GVQW3: variants seen among roughly 807,000 people sequenced by gnomAD.
GVQW3 encodes GVQW motif containing 3.
Under a neutral mutation model 12.5 loss-of-function variants are expected in GVQW3, and 7 were observed. That is an observed-to-expected ratio of 0.56 (90% confidence interval 0.32 to 1.05). The LOEUF is 1.05. Among genes scored for constraint, GVQW3 ranks in the 50% least tolerant of loss-of-function variants. GVQW3 has a pLI of 0.04. For missense variants in GVQW3, 188 were observed against 190.8 expected (o/e 0.99, Z 0.09); for synonymous variants, 71 against 67.2 (o/e 1.06, Z -0.28).
chr11:76,389,901 A>G (rs1946875496), intron 1 of GVQW3: 1 of 152,236 alleles, frequency 6.6e-6, no homozygotes, highest in Non-Finnish European at 1.5e-5. Flanking sequence ...TACTGCACAC[A>G]TATCGTTAGT....
At chr11:76,390,479 G>C (rs916817055) in intron 1 of GVQW3, among the ~76,000 whole-genome samples, 2 of 152,210 alleles carry the variant, frequency 1.3e-5, no homozygotes, top group Admixed American at 6.5e-5. Flanking sequence ...CAATAAACAA[G>C]ACCCCAAGAA....
rs913291321 is a variant in GVQW3, at chr11:76,407,194, G to A, written c.*3436G>A. On this transcript the variant is annotated 3_prime_UTR_variant, in exon 2 of 2. Transcript: ENST00000529331. ...GTAAAGATACAAATGGGCTTATAAT[G>A]TTGGTCAGGTGAGACATGTTGCATT... 6.6e-6 allele frequency: 1 copy of A among 152,104 alleles called. No individual in the cohort carries two copies. The highest frequency in any genetic ancestry group is 2.4e-5 in the African/African-American group (1 of 41,418). The allele number at this position is 152,104 out of a possible 1,614,324, so 9.4% of individuals were successfully genotyped here. A position where few individuals can be genotyped will look rare whatever the true frequency, so the allele number is the denominator to read the frequency against.
At chr11:76,396,837 TC>T (rs958316520) in intron 1 of GVQW3, among the ~76,000 whole-genome samples, 3 of 152,134 alleles carry the variant, frequency 2.0e-5, no homozygotes, top group Admixed American at 2.0e-4. Flanking sequence ...TTTTCTTTAA[TC>T]CCCTGGCAAC....
chr11:76,390,292 A>G (rs1157118696), intron 1 of GVQW3, among the ~76,000 whole-genome samples: 1 of 152,182 alleles, frequency 6.6e-6, no homozygotes, highest in African/African-American at 2.4e-5. Flanking sequence ...CTTGGGTTTC[A>G]GTTCTGGCTT....
intron 1 of GVQW3, chr11:76,392,681 T>A (rs1213827717): frequency 1.3e-5 from 2 of 152,240 alleles, no homozygotes; most frequent in African/African-American, 2.4e-5. Flanking sequence ...GGAACATATT[T>A]ATAGCATAGA....
At chr11:76,412,501 G>A (rs183274898), downstream of GVQW3, 1 of 152,286 alleles carries the variant, frequency 6.6e-6, no homozygotes, top group Non-Finnish European at 1.5e-5. Flanking sequence ...ATCAAGTAAG[G>A]TATTGGGAGT....
At chr11:76,395,945 T>TA (rs1271060390) in intron 1 of GVQW3, among the ~76,000 whole-genome samples, 2 of 152,170 alleles carry the variant, frequency 1.3e-5, no homozygotes, top group African/African-American at 2.4e-5. Context: ...CCTTATGAAA[T>TA]ATGTCTTGCC....
At chr11:76,386,076 G>A (rs999844724) in intron 1 of GVQW3, among the ~76,000 whole-genome samples, 26 of 152,306 alleles carry the variant, frequency 1.7e-4, no homozygotes, top group South Asian at 8.3e-4. Context: ...CAATGACTCC[G>A]TTTGGCTTTC....
chr11:76,412,487 TA>T (rs1374200243), downstream of GVQW3: 1 of 151,338 alleles, frequency 6.6e-6, no homozygotes, highest in Non-Finnish European at 1.5e-5. Context: ...AAGGACAGAA[TA>T]AAATCAAGTA....
chr11:76,396,375 C>T (rs1455219257), intron 1 of GVQW3, among the ~76,000 whole-genome samples: 1 of 152,052 alleles, frequency 6.6e-6, no homozygotes, highest in East Asian at 1.9e-4. Flanking sequence ...AGTACAGTGG[C>T]ACAATCTCAG....
At chr11:76,397,086 C>A (rs1424756915) in intron 1 of GVQW3, among the ~76,000 whole-genome samples, 1 of 149,334 alleles carries the variant, frequency 6.7e-6, no homozygotes, top group Non-Finnish European at 1.5e-5. Context: ...TCACCACAAC[C>A]TCCACCTCCA....
At chr11:76,402,291 G>A (rs1378204889) in intron 1 of GVQW3, among the ~76,000 whole-genome samples, 2 of 152,134 alleles carry the variant, frequency 1.3e-5, no homozygotes. Context: ...GGTGGCTAAC[G>A]CCTGTAATCC....
chr11:76,391,397 C>T (rs1327143761), intron 1 of GVQW3, among the ~76,000 whole-genome samples: 1 of 152,128 alleles, frequency 6.6e-6, no homozygotes, highest in Non-Finnish European at 1.5e-5. Flanking sequence ...AGATGTGTGC[C>T]CTATGTCCTG....
chr11:76,386,866 C>G (rs1382495654), intron 1 of GVQW3, among the ~76,000 whole-genome samples: 1 of 152,086 alleles, frequency 6.6e-6, no homozygotes, highest in Non-Finnish European at 1.5e-5. Context: ...GTATTAATAT[C>G]CGGAAACAAA....
At chr11:76,396,801 C>T (rs531966061) in intron 1 of GVQW3, among the ~76,000 whole-genome samples, 2 of 152,140 alleles carry the variant, frequency 1.3e-5, no homozygotes, top group Non-Finnish European at 1.5e-5. Context: ...CACAAGGAAA[C>T]CCCCTACCCA....
At chr11:76,384,495 GTATTTTTA>G (rs1054474974) in intron 1 of GVQW3, among the ~76,000 whole-genome samples, 1 of 152,110 alleles carries the variant, frequency 6.6e-6, no homozygotes, top group Non-Finnish European at 1.5e-5. Context: ...GCTATTTTTT[GTATTTTTA>G]GTAGAGGCGG....
chr11:76,398,879 G>A (rs182218182), intron 1 of GVQW3, among the ~76,000 whole-genome samples: 80 of 152,264 alleles, frequency 5.3e-4, no homozygotes, highest in Middle Eastern at 6.8e-3. Context: ...TTTGGCTCTC[G>A]CTTACTAATT....
Position 76,406,911 on chromosome 11 carries a change from G to C in GVQW3, c.*3153G>C, listed in dbSNP as rs1947045112. The C allele has an allele frequency of 6.6e-6, 1 of 152,236 alleles. No individual in the cohort carries two copies. The highest frequency in any genetic ancestry group is 1.9e-4 in the East Asian group (1 of 5,188). 9.4% of individuals were successfully genotyped at this position (152,236 alleles called of 1,614,324 possible). On this transcript the variant is annotated 3_prime_UTR_variant, in exon 2 of 2. Transcript: ENST00000529331. ...TAGTCCCAGCTATTTGGGAGGCTGA[G>C]GCAGGAGAATGGCAAGAACCTGGGA... is the stretch of plus-strand genomic sequence containing the variant.
chr11:76,412,825 C>T (rs575067268), downstream of GVQW3: 4 of 152,228 alleles, frequency 2.6e-5, no homozygotes, highest in Admixed American at 6.5e-5. Flanking sequence ...CCCTGGAGCA[C>T]GATGGCAAGG....
Sources: gnomAD v4.1 joint callset for allele counts (sites outside exome capture counted in the v4.1 genomes callset) on GRCh38, gnomAD v4.1.1 for gene constraint, MANE v1.5 for transcripts, NCBI Gene and HGNC (gene_info 2026-07-23, HGNC 2026-07-21) for gene names.